PRIMPOL: variants seen among roughly 807,000 people sequenced by gnomAD.
PRIMPOL encodes the protein DNA-directed primase/polymerase protein.
Under a neutral mutation model 63.6 loss-of-function variants are expected in PRIMPOL, and 54 were observed. That is an observed-to-expected ratio of 0.85 (90% confidence interval 0.68 to 1.07). PRIMPOL has a LOEUF of 1.07. Ranked by LOEUF, PRIMPOL falls within the 50% of genes least tolerant of loss-of-function variation. The pLI, the probability that PRIMPOL is intolerant of heterozygous loss-of-function variation, is 0.00. For synonymous variants in PRIMPOL, 197 were observed against 220.2 expected, an observed-to-expected ratio of 0.89 and a Z score of 0.93; for missense variants, 610 against 648.3, an observed-to-expected ratio of 0.94 and a Z score of 0.64.
intron 3 of PRIMPOL, among the ~76,000 whole-genome samples, chr4:184,657,980 C>T (rs1002392534): frequency 6.9e-6 from 1 of 145,540 alleles, no homozygotes; most frequent in Admixed American, 7.1e-5. Context: ...GCAACAAGAG[C>T]GAAACTCCAT....
At position 184,657,228 on chromosome 4, in the gene PRIMPOL, C is replaced by T. The variant is rs780783167; in HGVS notation, c.88C>T (p.Pro30Ser). The T allele has an allele frequency of 2.1e-5, 34 of 1,613,738 alleles. No individual in the cohort carries two copies. The highest frequency in any genetic ancestry group is 3.3e-5 in the Admixed American group (2 of 59,982). ...ERKPLSSVYR[P>S]RLSKPEEPPS... ...GAAACCGTTGTCCTCAGTGTATAGA[C>T]CAAGATTGTCCAAGCCAGAAGAACC... The change falls in exon 3 of 14, where the codon CCA becomes TCA. Residue 30 changes from proline (P) to serine (S), a missense_variant. By Grantham distance (74) the Pro-to-Ser change is moderately conservative. Coordinates refer to ENST00000314970, the MANE Select transcript of PRIMPOL (RefSeq NM_152683.4).
At chr4:184,688,534 G>GAGGCCCGGGGCATC (rs1561084205) in intron 11 of PRIMPOL, among the ~76,000 whole-genome samples, 1 of 152,194 alleles carries the variant, frequency 6.6e-6, no homozygotes, top group Non-Finnish European at 1.5e-5. Context: ...GGGGCAGAGT[G>GAGGCCCGGGGCATC]AGGCCCGGGG....
Position 184,657,995 on chromosome 4 carries a change from AAAATAAAT to A in PRIMPOL, c.180+709_180+716del, listed in dbSNP as rs58284286. Among the ~76,000 whole-genome samples, 613 of 135,004 alleles carry A rather than the reference AAAATAAAT, an allele frequency of 4.5e-3. 3 individuals are homozygous for A. Among genetic ancestry groups the A allele is most frequent in the African/African-American group, 0.013 (458 of 35,668 alleles). 88.6% of individuals were successfully genotyped at this position (135,004 alleles called of 152,430 possible). ...GCAACAAGAGCGAAACTCCATCTCA[AAAATAAAT>A]AAATAAATAAATAAATAAATAAATA... is the stretch of plus-strand genomic sequence containing the variant. On this transcript the variant is annotated intron_variant, in intron 3 of 13. Transcript: ENST00000314970.
intron 8 of PRIMPOL, among the ~76,000 whole-genome samples, chr4:184,682,024 T>G (rs887327828): frequency 1.3e-5 from 2 of 152,232 alleles, no homozygotes; most frequent in African/African-American, 4.8e-5. Flanking sequence ...ACCAACCTAC[T>G]CTTTTAAAAA....
At chr4:184,663,789 G>A (rs1749059728) in intron 5 of PRIMPOL, among the ~76,000 whole-genome samples, 1 of 142,968 alleles carries the variant, frequency 7.0e-6, no homozygotes, top group Non-Finnish European at 1.6e-5. Flanking sequence ...TTAATATAAT[G>A]CTTTTTATAA....
At position 184,691,710 on chromosome 4, in the gene PRIMPOL, G is replaced by A. The variant is rs1466259666; in HGVS notation, c.1423G>A (p.Glu475Lys). ...AGTATGTCTCCTGTTTCTTTTCAAAGAGGTAAGTACAGATTTTAGTGTCTT... is the reference window on the plus strand; with the variant it reads ...AGTATGTCTCCTGTTTCTTTTCAAAAAGGTAAGTACAGATTTTAGTGTCTT... The part of the protein sequence containing the change: ...AEVCLLFLFK[E>K]EEEFTTDEAD... The change falls in exon 13 of 14, where the codon GAG (glutamate) becomes AAG (lysine). Residue 475 changes from glutamate to lysine, a missense_variant and splice_region_variant. Coordinates refer to ENST00000314970, the MANE Select transcript of PRIMPOL (RefSeq NM_152683.4). 6 of 1,610,358 alleles carry A rather than the reference G, an allele frequency of 3.7e-6. No homozygotes were observed. The South Asian group carries it at 4.4e-5, about 12-fold the overall frequency.
chr4:184,675,802 G>A (rs1199256093), intron 7 of PRIMPOL, among the ~76,000 whole-genome samples: 4 of 152,264 alleles, frequency 2.6e-5, no homozygotes, highest in Middle Eastern at 3.4e-3. Flanking sequence ...GGGCAACAGA[G>A]TAAGACTCAG....
At position 184,678,280 on chromosome 4, in the gene PRIMPOL, TTGGAAAGCG is replaced by T. The variant is rs1477630557; in HGVS notation, c.896_904del (p.Gly299_Arg301del). 8.7e-6 allele frequency: 14 copies of T among 1,601,046 alleles called. No homozygotes were observed. The highest frequency in any genetic ancestry group is 1.1e-5 in the Non-Finnish European group (13 of 1,175,780). On this transcript the variant is annotated inframe_deletion, in exon 8 of 14. Coordinates refer to ENST00000314970, the MANE Select transcript of PRIMPOL (RefSeq NM_152683.4). ...TTTCGGCTATATAAATCATCAAAAA[TTGGAAAGCG>T]TGTGGCTTTGGAGGTTACTGAAGAT...
At chr4:184,680,659 T>C (rs995565568) in intron 8 of PRIMPOL, among the ~76,000 whole-genome samples, 2 of 152,228 alleles carry the variant, frequency 1.3e-5, no homozygotes, top group Non-Finnish European at 2.9e-5. Context: ...CTTTGAGTTC[T>C]TTAATAACAT....
At chr4:184,669,588 T>C (rs1751018483) in intron 6 of PRIMPOL, among the ~76,000 whole-genome samples, 1 of 152,162 alleles carries the variant, frequency 6.6e-6, no homozygotes, top group African/African-American at 2.4e-5. Flanking sequence ...GAATAGAAAT[T>C]TGTGAGGTAC....
intron 11 of PRIMPOL, among the ~76,000 whole-genome samples, chr4:184,687,844 G>A (rs1408522002): frequency 6.6e-6 from 1 of 152,142 alleles, no homozygotes; most frequent in Non-Finnish European, 1.5e-5. Flanking sequence ...TCGAACTCCC[G>A]ACCTCAGGTG....
At chr4:184,688,215 A>C (rs1181502642) in intron 11 of PRIMPOL, among the ~76,000 whole-genome samples, 1 of 152,258 alleles carries the variant, frequency 6.6e-6, no homozygotes, top group Non-Finnish European at 1.5e-5. Context: ...GAATATGCAC[A>C]TAATTAATTT....
At position 184,682,865 on chromosome 4, in the gene PRIMPOL, C is replaced by T. The variant is rs540531177; in HGVS notation, c.1096+529C>T. On this transcript the variant is annotated intron_variant, in intron 9 of 13. Coordinates refer to ENST00000314970, the MANE Select transcript of PRIMPOL (RefSeq NM_152683.4). ...AGGAGTTAGAGACAATCCTGAGCAA[C>T]TTAGCAAAACCCTATCTCTACAAAA... is the stretch of plus-strand genomic sequence containing the variant. Among the ~76,000 whole-genome samples the T allele has an allele frequency of 4.6e-5, 7 of 151,334 alleles. No homozygotes were observed. The South Asian group carries it at 8.4e-4, about 18-fold the overall frequency.
intron 11 of PRIMPOL, among the ~76,000 whole-genome samples, chr4:184,686,678 A>G (rs145734467): frequency 4.7e-4 from 71 of 152,278 alleles, no homozygotes; most frequent in African/African-American, 1.5e-3. Context: ...TTTCATGTCA[A>G]AGCAACTCCC....
At chr4:184,681,379 G>A (rs1252021856) in intron 8 of PRIMPOL, among the ~76,000 whole-genome samples, 6 of 151,798 alleles carry the variant, frequency 4.0e-5, no homozygotes, top group African/African-American at 1.2e-4. Context: ...AGGTCCCTGT[G>A]GATACAAAAA....
intron 6 of PRIMPOL, among the ~76,000 whole-genome samples, chr4:184,667,631 G>A (rs1252606491): frequency 6.6e-6 from 1 of 151,856 alleles, no homozygotes; most frequent in Non-Finnish European, 1.5e-5. Flanking sequence ...TTTTAATAAC[G>A]GCCTTACAAG....
chr4:184,666,268 G>A (rs1341314731), intron 6 of PRIMPOL, among the ~76,000 whole-genome samples: 1 of 152,172 alleles, frequency 6.6e-6, no homozygotes, highest in East Asian at 1.9e-4. Flanking sequence ...GAGGCTAGGA[G>A]TTTGAGACCA....
intron 6 of PRIMPOL, 90 bp from the exon 7 acceptor site, chr4:184,672,083 G>A: frequency 1.6e-6 from 2 of 1,228,800 alleles, no homozygotes; most frequent in Non-Finnish European, 2.3e-6. Flanking sequence ...GGTTTTCTGT[G>A]TAAAATTGTC....
chr4:184,693,259 C>T (rs972805574), intron 13 of PRIMPOL, among the ~76,000 whole-genome samples: 3 of 152,130 alleles, frequency 2.0e-5, no homozygotes, highest in Admixed American at 2.0e-4. Flanking sequence ...TAACCAAGAA[C>T]AAAGTAAATT....
Sources: allele counts gnomAD v4.1 joint callset (sites outside exome capture counted in the v4.1 genomes callset), GRCh38; gene constraint gnomAD v4.1.1; transcripts MANE v1.5; gene names NCBI Gene and HGNC (gene_info 2026-07-23, HGNC 2026-07-21).